The following PTPRG variants were observed in gnomAD, a reference collection of about 807,000 sequenced individuals.
The protein encoded by PTPRG is protein tyrosine phosphatase receptor type G, also known as receptor-type tyrosine-protein phosphatase gamma.
PTPRG carries 102 observed loss-of-function variants against 165.3 expected under a neutral mutation model. The ratio of observed to expected loss-of-function variants is 0.62; its 90% confidence interval spans 0.53 to 0.73. The LOEUF is 0.73. PTPRG is among the 30% of genes least tolerant of loss of function. The pLI, the probability that PTPRG is intolerant of heterozygous loss-of-function variation, is 0.00. For missense variants in PTPRG, 1,866 were observed against 1,861.4 expected (o/e 1.00, Z -0.05); for synonymous variants, 675 against 669.5 (o/e 1.01, Z -0.13).
intron 12 of PTPRG, among the ~76,000 whole-genome samples, chr3:62,205,928 C>CACT (rs1454940436): frequency 6.6e-6 from 1 of 152,060 alleles, no homozygotes; most frequent in Non-Finnish European, 1.5e-5. Context: ...TGAAAGAAGC[C>CACT]CAGTTAGGAG....
intron 1 of PTPRG, among the ~76,000 whole-genome samples, chr3:61,647,920 T>A (rs1036370252): frequency 1.3e-5 from 2 of 152,110 alleles, no homozygotes; most frequent in African/African-American, 4.8e-5. Flanking sequence ...GTGTCCTGAT[T>A]GTGATTGCGG....
At chr3:62,112,407 C>T (rs1486475641) in intron 5 of PTPRG, among the ~76,000 whole-genome samples, 3 of 152,206 alleles carry the variant, frequency 2.0e-5, no homozygotes, top group Non-Finnish European at 2.9e-5. Context: ...CCCTGCCAGT[C>T]ACTACTACTT....
chr3:61,869,852 A>G (rs1386801943), intron 2 of PTPRG, among the ~76,000 whole-genome samples: 3 of 152,010 alleles, frequency 2.0e-5, no homozygotes, highest in Admixed American at 6.6e-5. Flanking sequence ...CCACCCGCCT[A>G]AGTCTCCCAA....
At chr3:62,208,912 G>A (rs1189305547) in intron 12 of PTPRG, among the ~76,000 whole-genome samples, 1 of 152,196 alleles carries the variant, frequency 6.6e-6, no homozygotes, top group Non-Finnish European at 1.5e-5. Context: ...TGTCATGCTG[G>A]TGAGGGAAGC....
At chr3:61,670,123 A>G (rs924914964) in intron 1 of PTPRG, among the ~76,000 whole-genome samples, 1 of 152,228 alleles carries the variant, frequency 6.6e-6, no homozygotes. Context: ...GAAAAGCCCA[A>G]CTCTGGGTGT....
intron 23 of PTPRG, 56 bp from the exon 24 acceptor site, chr3:62,275,817 G>A: frequency 7.5e-7 from 1 of 1,338,680 alleles, no homozygotes; most frequent in Non-Finnish European, 1.0e-6. Context: ...AAAGCATCAA[G>A]CAAATGCTAT....
intron 2 of PTPRG, among the ~76,000 whole-genome samples, chr3:61,821,284 C>G (rs546739522): frequency 6.6e-6 from 1 of 152,182 alleles, no homozygotes; most frequent in African/African-American, 2.4e-5. Context: ...CTTCTCCTGC[C>G]TCAGCCTCCC....
At chr3:62,247,401 T>C (rs979020412) in intron 15 of PTPRG, among the ~76,000 whole-genome samples, 3 of 152,194 alleles carry the variant, frequency 2.0e-5, no homozygotes, top group African/African-American at 7.2e-5. Flanking sequence ...TTCAAATACA[T>C]GTGAATATTC....
chr3:61,645,909 G>A (rs1359430020), intron 1 of PTPRG, among the ~76,000 whole-genome samples: 1 of 152,132 alleles, frequency 6.6e-6, no homozygotes, highest in African/African-American at 2.4e-5. Flanking sequence ...CTGTTTCTTA[G>A]ATCAGGTAGA....
At chr3:62,291,192 C>G (rs1345370248) in intron 28 of PTPRG, among the ~76,000 whole-genome samples, 1 of 152,098 alleles carries the variant, frequency 6.6e-6, no homozygotes, top group African/African-American at 2.4e-5. Context: ...TTCCACTCAT[C>G]AGATTGGCAA....
At chr3:61,993,015 T>G (rs1351932380) in intron 3 of PTPRG, among the ~76,000 whole-genome samples, 1 of 152,112 alleles carries the variant, frequency 6.6e-6, no homozygotes, top group African/African-American at 2.4e-5. Context: ...TTTTTAGAAT[T>G]TTGGAGAAAT....
chr3:62,263,246 A>G (rs1274856195), intron 17 of PTPRG: 1 of 192,286 alleles, frequency 5.2e-6, no homozygotes, highest in African/African-American at 2.4e-5. Flanking sequence ...AAATCTTTTA[A>G]TACAAATGAA....
intron 1 of PTPRG, among the ~76,000 whole-genome samples, chr3:61,580,004 G>C (rs1204018100): frequency 6.6e-6 from 1 of 152,102 alleles, no homozygotes; most frequent in Non-Finnish European, 1.5e-5. Flanking sequence ...CCATGTAGCT[G>C]AGAAATATTG....
At chr3:61,588,829 T>G (rs1170509487) in intron 1 of PTPRG, among the ~76,000 whole-genome samples, 1 of 152,238 alleles carries the variant, frequency 6.6e-6, no homozygotes, top group Admixed American at 6.5e-5. Context: ...TCCGTGTATA[T>G]GTATGCATAG....
intron 4 of PTPRG, among the ~76,000 whole-genome samples, chr3:62,061,505 C>G (rs1426599905): frequency 6.6e-6 from 1 of 152,130 alleles, no homozygotes; most frequent in Non-Finnish European, 1.5e-5. Context: ...TTCCAAATTA[C>G]TAACTTCCCT....
At chr3:61,757,827 C>A (rs1019425569) in intron 2 of PTPRG, among the ~76,000 whole-genome samples, 3 of 152,080 alleles carry the variant, frequency 2.0e-5, no homozygotes, top group Non-Finnish European at 4.4e-5. Flanking sequence ...ATGTTCTCTT[C>A]TTTGAAACTA....
chr3:61,609,356 A>G (rs1422926794), intron 1 of PTPRG, among the ~76,000 whole-genome samples: 1 of 152,108 alleles, frequency 6.6e-6, no homozygotes. Context: ...CCTTTTGGGG[A>G]ACTTTATATA....
At chr3:61,790,100 A>G (rs2034825038) in intron 2 of PTPRG, among the ~76,000 whole-genome samples, 1 of 152,152 alleles carries the variant, frequency 6.6e-6, no homozygotes, top group Non-Finnish European at 1.5e-5. Flanking sequence ...AGCTCAGTGG[A>G]GTAGACTGGT....
intron 28 of PTPRG, among the ~76,000 whole-genome samples, chr3:62,288,500 C>T (rs1188728672): frequency 6.6e-6 from 1 of 152,014 alleles, no homozygotes; most frequent in African/African-American, 2.4e-5. Flanking sequence ...TGGCGAAACC[C>T]CGTCTCTACT....
Sources: allele counts gnomAD v4.1 joint callset (sites outside exome capture counted in the v4.1 genomes callset), GRCh38; gene constraint gnomAD v4.1.1; transcripts MANE v1.5; gene names NCBI Gene and HGNC (gene_info 2026-07-23, HGNC 2026-07-21).